Variants in NREP observed in about 807,000 individuals in gnomAD.
NREP encodes the protein neuronal regeneration related protein, also known as neuronal regeneration-related protein.
Under a neutral mutation model 8.6 loss-of-function variants are expected in NREP, and 5 were observed. That is an observed-to-expected ratio of 0.58 (90% confidence interval 0.30 to 1.22). NREP has a LOEUF of 1.22. Among genes scored for constraint, NREP ranks in the 50% most tolerant of loss-of-function variants. The pLI, the probability that NREP is intolerant of heterozygous loss-of-function variation, is 0.07. For missense variants in NREP, 86 were observed against 82.5 expected (o/e 1.04, Z -0.17); for synonymous variants, 27 against 28.0 (o/e 0.96, Z 0.11).
intron 2 of NREP, among the ~76,000 whole-genome samples, chr5:111,953,249 A>G (rs2112638214): frequency 6.6e-6 from 1 of 152,260 alleles, no homozygotes; most frequent in East Asian, 1.9e-4. Context: ...CCTGTCAAGC[A>G]CAAACTTCTC....
chr5:111,770,240 C>A (rs964526910), intron 2 of NREP, among the ~76,000 whole-genome samples: 2 of 152,156 alleles, frequency 1.3e-5, no homozygotes, highest in African/African-American at 4.8e-5. Flanking sequence ...TCATGTTTTT[C>A]TTTCAAAAAG....
intron 2 of NREP, among the ~76,000 whole-genome samples, chr5:111,884,145 A>G (rs1754171590): frequency 6.6e-6 from 1 of 152,108 alleles, no homozygotes; most frequent in Non-Finnish European, 1.5e-5. Context: ...AGGGGATATC[A>G]CCACCGATCC....
chr5:111,906,183 T>C (rs1754773698), intron 2 of NREP, among the ~76,000 whole-genome samples: 2 of 152,090 alleles, frequency 1.3e-5, no homozygotes, highest in Non-Finnish European at 2.9e-5. Flanking sequence ...TTGTTTTATT[T>C]GGCTTTTAAT....
At position 111,735,510 on chromosome 5, in the gene NREP, A is replaced by G. The variant is rs768153376; in HGVS notation, c.4-3T>C. On this transcript the variant is annotated splice_region_variant and splice_polypyrimidine_tract_variant and intron_variant, in intron 2 of 3. Coordinates refer to ENST00000257435, the MANE Select transcript of NREP (RefSeq NM_004772.4). ...ACAAAGAGTTCTGGGTAATAAACCT[A>G]TAGAGACACAAAAGCATACACATTC... 1.9e-6 allele frequency: 3 copies of G among 1,606,586 alleles called. No homozygotes were observed. Among genetic ancestry groups the G allele is most frequent in the Non-Finnish European group, 1.7e-6 (2 of 1,173,918 alleles).
chr5:111,755,150 T>C (rs1750620185), intron 2 of NREP, among the ~76,000 whole-genome samples: 1 of 152,230 alleles, frequency 6.6e-6, no homozygotes, highest in South Asian at 2.1e-4. Flanking sequence ...CTGCATTCTC[T>C]GTGGATCATA....
chr5:111,890,180 G>A (rs1178881064), intron 2 of NREP, among the ~76,000 whole-genome samples: 2 of 152,306 alleles, frequency 1.3e-5, no homozygotes, highest in East Asian at 3.9e-4. Context: ...CAGGCCTCAA[G>A]CAAGTTCAAA....
intron 2 of NREP, among the ~76,000 whole-genome samples, chr5:111,779,302 T>C (rs1168238425): frequency 6.6e-6 from 1 of 152,094 alleles, no homozygotes; most frequent in African/African-American, 2.4e-5. Flanking sequence ...TTCTGGAACT[T>C]CACTTCTTTT....
intron 2 of NREP, among the ~76,000 whole-genome samples, chr5:111,911,732 A>G (rs1754917603): frequency 6.6e-6 from 1 of 152,134 alleles, no homozygotes; most frequent in Non-Finnish European, 1.5e-5. Context: ...TTGACCATCT[A>G]AAAGACATAA....
At chr5:111,954,669 G>A (rs1361254554) in intron 2 of NREP, among the ~76,000 whole-genome samples, 1 of 152,096 alleles carries the variant, frequency 6.6e-6, no homozygotes, top group African/African-American at 2.4e-5. Context: ...GAAGGGTAGG[G>A]AACAGAGATA....
rs779525118 is a variant in NREP at position 111,812,036 on chromosome 5, G to A, written c.136-76529C>T. ...GGCATAGTGGTTCACGCCTGTAATC[G>A]CAGCACTTTGGGAGGCCGAGGCAGG... On this transcript the variant is annotated intron_variant, in intron 2 of 3. Transcript: ENST00000395634. Among the ~76,000 whole-genome samples the A allele has an allele frequency of 3.3e-5, 5 of 151,960 alleles. No individual in the cohort carries two copies. In the East Asian group the frequency reaches 5.8e-4, roughly 18 times the overall value.
intron 2 of NREP, among the ~76,000 whole-genome samples, chr5:111,822,429 T>G (rs1468841325): frequency 6.6e-6 from 1 of 152,164 alleles, no homozygotes; most frequent in African/African-American, 2.4e-5. Flanking sequence ...TTTAGAGCTT[T>G]CAAAAGAGGA....
At chr5:111,854,010 A>G (rs1305954989) in intron 2 of NREP, among the ~76,000 whole-genome samples, 1 of 152,122 alleles carries the variant, frequency 6.6e-6, no homozygotes, top group African/African-American at 2.4e-5. Context: ...TGGGAAAACC[A>G]TACAGGAAAC....
In NREP at chr5:111,834,999, GA is replaced by G. The variant is rs746609201; in HGVS notation, c.136-99493del. Among the ~76,000 whole-genome samples the G allele has an allele frequency of 1.9e-3, 290 of 152,274 alleles. 3 individuals are homozygous for G. Among genetic ancestry groups the G allele is most frequent in the Non-Finnish European group, 2.9e-3 (196 of 68,004 alleles). On this transcript the variant is annotated intron_variant, in intron 2 of 3. Transcript: ENST00000395634. The stretch of plus-strand genomic sequence containing the variant: ...CTTTGAATTTGGGTTCACATTCCAA[GA>G]AGGCACCTCCTATGAAATGAAATGT...
At chr5:111,901,980 C>T (rs1754657813) in intron 2 of NREP, among the ~76,000 whole-genome samples, 1 of 151,992 alleles carries the variant, frequency 6.6e-6, no homozygotes, top group East Asian at 1.9e-4. Flanking sequence ...ACAAAAGACC[C>T]CAAATAGTCA....
chr5:111,924,969 A>G (rs80242630), intron 2 of NREP, among the ~76,000 whole-genome samples: 3,872 of 152,268 alleles, frequency 0.025, 62 homozygotes, highest in Non-Finnish European at 0.028. Flanking sequence ...TTAAAAAGCC[A>G]TGTGTAAATA....
chr5:111,919,869 G>GAGAAAAGAA (rs1755176914), intron 2 of NREP, among the ~76,000 whole-genome samples: 1 of 125,034 alleles, frequency 8.0e-6, no homozygotes, highest in African/African-American at 3.3e-5. Flanking sequence ...CTTGAAGAGA[G>GAGAAAAGAA]AGAAAGAAAG....
chr5:111,932,978 C>T (rs1755583076), intron 2 of NREP, among the ~76,000 whole-genome samples: 1 of 152,074 alleles, frequency 6.6e-6, no homozygotes, highest in African/African-American at 2.4e-5. Context: ...TGTCCTGGAG[C>T]TGGGCCAAGT....
chr5:111,871,467 T>C (rs1433190427), intron 2 of NREP, among the ~76,000 whole-genome samples: 1 of 152,180 alleles, frequency 6.6e-6, no homozygotes, highest in East Asian at 1.9e-4. Context: ...ATTATACTAC[T>C]GTAGATAGTA....
At chr5:111,793,578 A>G (rs1751803353) in intron 2 of NREP, among the ~76,000 whole-genome samples, 1 of 152,140 alleles carries the variant, frequency 6.6e-6, no homozygotes, top group South Asian at 2.1e-4. Flanking sequence ...ACTGATTCAA[A>G]TGGTAATCTA....
Sources: gnomAD v4.1 joint callset for allele counts (sites outside exome capture counted in the v4.1 genomes callset) on GRCh38, gnomAD v4.1.1 for gene constraint, MANE v1.5 for transcripts, NCBI Gene and HGNC (gene_info 2026-07-23, HGNC 2026-07-21) for gene names.